Variants in UPF1 observed in about 807,000 individuals in gnomAD.
The protein encoded by UPF1 is UPF1 RNA helicase and ATPase.
Under a neutral mutation model 129.2 loss-of-function variants are expected in UPF1, and 9 were observed. The ratio of observed to expected loss-of-function variants is 0.07; its 90% CI spans 0.04 to 0.12. The LOEUF (loss-of-function observed/expected upper bound fraction) is 0.12. Among genes scored for constraint, UPF1 ranks in the 10% least tolerant of loss-of-function variants. The pLI is 1.00. For missense variants in UPF1, 788 were observed against 1,525.3 expected, an observed-to-expected ratio of 0.52 and a Z score of 8.05; for synonymous variants, 649 against 644.9, an observed-to-expected ratio of 1.01 and a Z score of -0.10.
In UPF1 at chr19:18,850,552, T is replaced by G; in HGVS notation, c.630-136T>G. On this transcript the variant is annotated intron_variant, in intron 4 of 23. Transcript: ENST00000262803. The surrounding 1 kb of genome is among the most constrained non-coding windows in gnomAD (Gnocchi z 7.1). Reference sequence around the variant, plus strand: ...GGGAGATGCGATTTATTACTAACAGTTTGAAGGTAATGTGATCACATAATA... The same window carrying G: ...GGGAGATGCGATTTATTACTAACAGGTTGAAGGTAATGTGATCACATAATA... 1 of 999,858 alleles carries G rather than the reference T, an allele frequency of 1.0e-6. No homozygotes were observed. The highest frequency in any genetic ancestry group is 1.4e-6 in the Non-Finnish European group (1 of 712,820). 61.9% of individuals were successfully genotyped at this position (999,858 alleles called of 1,614,324 possible). A position where few individuals can be genotyped will look rare whatever the true frequency, so the allele number is the denominator to read the frequency against.
rs199535358 is a variant in UPF1, at chr19:18,864,268, G to A, written c.2857+17G>A. ...GCAGCCAGGGTGAGTCGCTCAGCAG[G>A]GGACCTGGCCGACCCCTTGTCCTCA... On this transcript the variant is annotated intron_variant, in intron 20 of 23. Coordinates refer to ENST00000262803, the MANE Select transcript of UPF1 (RefSeq NM_002911.4). 4.3e-4 allele frequency: 693 copies of A among 1,604,332 alleles called. 1 individual carries two copies. Among genetic ancestry groups the A allele is most frequent in the Non-Finnish European group, 5.7e-4 (671 of 1,172,454 alleles).
Position 18,865,604 on chromosome 19 carries a change from G to C in UPF1, c.3063G>C (p.Gln1021His). ...PKGKTGRGGR[Q>H]KNRFGLPGPS... Reference sequence around the variant, plus strand: ...GCAAGACTGGTCGTGGGGGACGCCAGAAGAACCGCTTTGGGCTTCCTGGAC... The same window carrying C: ...GCAAGACTGGTCGTGGGGGACGCCACAAGAACCGCTTTGGGCTTCCTGGAC... Residue 1021 changes from glutamine (Q) to histidine (H), a missense_variant, in exon 22 of 24, where the codon CAG becomes CAC. This residue lies in a region of UPF1 where 218 missense variants were observed against 318.1 expected (regional missense o/e 0.69). Transcript: ENST00000262803. This position sits in a 1 kb window ranked among gnomAD's most constrained non-coding sequence, Gnocchi z 6.1. 6.2e-7 allele frequency: 1 copy of C among 1,613,874 alleles called. No homozygotes were observed. The highest frequency in any genetic ancestry group is 8.5e-7 in the Non-Finnish European group (1 of 1,180,026).
Position 18,832,068 on chromosome 19 carries a change from G to A in UPF1, c.-142G>A. 1 of 747,102 alleles carries A rather than the reference G, an allele frequency of 1.3e-6. No homozygotes were observed. Among genetic ancestry groups the A allele is most frequent in the Middle Eastern group, 4.4e-4 (1 of 2,264 alleles). The allele number at this position is 747,102 out of a possible 1,614,324, so 46.3% of individuals were successfully genotyped here. A position where few individuals can be genotyped will look rare whatever the true frequency, so the allele number is the denominator to read the frequency against. ...GCACTGTTACCTCTCGGTCCGGCTG[G>A]CGCCGGGGCGCGCGGTTTGGTCCTT... On this transcript the variant is annotated 5_prime_UTR_variant, in exon 1 of 24. Transcript: ENST00000262803. The surrounding 1 kb of genome is among the most constrained non-coding windows in gnomAD (Gnocchi z 5.6).
intron 2 of UPF1, among the ~76,000 whole-genome samples, 190 bp from the exon 3 acceptor site, chr19:18,847,554 C>G (rs1437522086): frequency 6.6e-6 from 1 of 152,186 alleles, no homozygotes; most frequent in Non-Finnish European, 1.5e-5. Flanking sequence ...GCCACATACC[C>G]CTTCCCTGCA....
rs1601124988 is a variant in UPF1, at chr19:18,860,312, C to G, written c.2183-9C>G. 6.2e-7 allele frequency: 1 copy of G among 1,612,472 alleles called. No individual in the cohort carries two copies. Among genetic ancestry groups the G allele is most frequent in the South Asian group, 1.1e-5 (1 of 91,026 alleles). On this transcript the variant is annotated splice_polypyrimidine_tract_variant and intron_variant, in intron 15 of 23. Transcript: ENST00000262803. ...TTTTGAAGTGTTACTTCTTTCCCTC[C>G]CCTCACAGCGGATCGTGTGAAGAAG...
intron 2 of UPF1, among the ~76,000 whole-genome samples, chr19:18,846,799 G>C (rs913979211): frequency 6.6e-6 from 1 of 152,120 alleles, no homozygotes; most frequent in Non-Finnish European, 1.5e-5. Flanking sequence ...GACCATCCTG[G>C]CTAACACGGT....
Position 18,867,411 on chromosome 19 carries a change from C to T in UPF1, c.*894C>T, listed in dbSNP as rs1309698462. 1 of 152,322 alleles carries T rather than the reference C, an allele frequency of 6.6e-6. No homozygotes were observed. The highest frequency in any genetic ancestry group is 1.5e-5 in the Non-Finnish European group (1 of 68,084). 9.4% of individuals were successfully genotyped at this position (152,322 alleles called of 1,614,324 possible). On this transcript the variant is annotated 3_prime_UTR_variant, in exon 24 of 24. Coordinates refer to ENST00000262803, the MANE Select transcript of UPF1 (RefSeq NM_002911.4). ...CCGGTGAGGAAGGTGCTTTTGGCCC[C>T]ATTGCGAGGGGCCTTGGCCAGGACT...
At chr19:18,836,712 C>A (rs2055486961) in intron 1 of UPF1, among the ~76,000 whole-genome samples, 1 of 150,616 alleles carries the variant, frequency 6.6e-6, no homozygotes. Context: ...CTCAATGAAA[C>A]TGGAAAGAAA....
At chr19:18,861,871 C>A in intron 17 of UPF1, 139 bp from the exon 18 acceptor site, 1 of 1,125,926 alleles carries the variant, frequency 8.9e-7, no homozygotes, top group African/African-American at 1.6e-5. Flanking sequence ...GCCAGGACAG[C>A]CCCTAGGTGC....
In UPF1 at chr19:18,865,726, G is replaced by C. The variant is rs745977881; in HGVS notation, c.3185G>C (p.Ser1062Thr). Residue 1062 changes from serine to threonine, a missense_variant, in exon 22 of 24, where the codon AGC becomes ACC. Ser to Thr is a moderately conservative substitution (Grantham distance 58). This residue lies in a region of UPF1 where 218 missense variants were observed against 318.1 expected (regional missense o/e 0.69). Coordinates refer to ENST00000262803, the MANE Select transcript of UPF1 (RefSeq NM_002911.4). The surrounding 1 kb of genome is among the most constrained non-coding windows in gnomAD (Gnocchi z 6.1). Reference sequence around the variant, plus strand: ...CTGACGCAGGGCTACATCTCCATGAGCCAGCCTTCCCAGATGAGCCAGCCC... The same window carrying C: ...CTGACGCAGGGCTACATCTCCATGACCCAGCCTTCCCAGATGAGCCAGCCC... Reference protein sequence around the residue: ...GALTQGYISMSQPSQMSQPGL... With the variant: ...GALTQGYISMTQPSQMSQPGL... 4 of 1,613,366 alleles carry C rather than the reference G, an allele frequency of 2.5e-6. No individual in the cohort carries two copies. The highest frequency in any genetic ancestry group is 1.7e-5 in the Admixed American group (1 of 60,016).
chr19:18,853,496 C>A lies in UPF1; in HGVS notation c.1156+146C>A. ...TGCTGGTTGGCATCGCCCTCCACTG[C>A]TCTTAGGAGAATCACAGGGCCTTCA... On this transcript the variant is annotated intron_variant, in intron 8 of 23. Coordinates refer to ENST00000262803, the MANE Select transcript of UPF1 (RefSeq NM_002911.4). The surrounding 1 kb of genome is among the most constrained non-coding windows in gnomAD (Gnocchi z 4.4). 1.4e-6 allele frequency: 1 copy of A among 720,882 alleles called. No individual in the cohort carries two copies. Among genetic ancestry groups the A allele is most frequent in the Non-Finnish European group, 2.2e-6 (1 of 457,422 alleles). 44.7% of individuals were successfully genotyped at this position (720,882 alleles called of 1,614,324 possible).
chr19:18,841,009 C>T (rs986612729), intron 1 of UPF1, among the ~76,000 whole-genome samples: 33 of 152,314 alleles, frequency 2.2e-4, no homozygotes, highest in Admixed American at 1.0e-3. Flanking sequence ...AGGCTCCTGG[C>T]GGCCCTGGGA....
At position 18,847,697 on chromosome 19, in the gene UPF1, C is replaced by G. The variant is rs370145414; in HGVS notation, c.372-47C>G. 3.8e-6 allele frequency: 6 copies of G among 1,581,510 alleles called. No individual in the cohort carries two copies. In the African/African-American group the frequency reaches 6.7e-5, roughly 18 times the overall value. On this transcript the variant is annotated intron_variant, in intron 2 of 23. Coordinates refer to ENST00000262803, the MANE Select transcript of UPF1 (RefSeq NM_002911.4). Reference sequence around the variant, plus strand: ...ATTTCACATCTTGCCAAATGAAAACCAGAGAGCAAGCTTCCAGCTGTAACT... The same window carrying G: ...ATTTCACATCTTGCCAAATGAAAACGAGAGAGCAAGCTTCCAGCTGTAACT...
Position 18,832,192 on chromosome 19 carries a change from G to GCC in UPF1, c.-16_-15dup, listed in dbSNP as rs769882945. On this transcript the variant is annotated 5_prime_UTR_variant, in exon 1 of 24. Transcript: ENST00000262803. The surrounding 1 kb of genome is among the most constrained non-coding windows in gnomAD (Gnocchi z 5.6). ...AGTGCAGCGCGGAACCGGCCCGAGG[G>GCC]CCCTACCCGGAGGCACCATGAGCGT... 9 of 1,531,656 alleles carry GCC rather than the reference G, an allele frequency of 5.9e-6. No homozygotes were observed. The highest frequency in any genetic ancestry group is 7.9e-6 in the Non-Finnish European group (9 of 1,137,830). The allele number at this position is 1,531,656 out of a possible 1,614,324, so 94.9% of individuals were successfully genotyped here.
At chr19:18,861,355 C>T (rs534146120) in intron 17 of UPF1, among the ~76,000 whole-genome samples, 5 of 152,212 alleles carry the variant, frequency 3.3e-5, no homozygotes, top group Non-Finnish European at 7.3e-5. Context: ...TATTGACACC[C>T]GGATGAAACA....
In UPF1 at chr19:18,859,607, G is replaced by A. The variant is rs147191122; in HGVS notation, c.2183-714G>A. On this transcript the variant is annotated intron_variant, in intron 15 of 23. Transcript: ENST00000262803. ...GTGGGATCATATGATGTGTCCTGGC[G>A]TGTCTGGCTTCCTCTGTCCATGTCA... The A allele has an allele frequency of 4.3e-3, 657 of 152,416 alleles. 2 individuals carry two copies. Among genetic ancestry groups the A allele is most frequent in the Non-Finnish European group, 6.9e-3 (472 of 68,090 alleles). 9.4% of individuals were successfully genotyped at this position (152,416 alleles called of 1,614,324 possible). A position where few individuals can be genotyped will look rare whatever the true frequency, so the allele number is the denominator to read the frequency against.
chr19:18,855,543 G>A lies in UPF1; in HGVS notation c.1544+301G>A, dbSNP rs2055708021. ...GTGTGGCGGGATGGTGCAAGTTCCAGCCTTGGCATTGCTTGCGGTGGGTAG... is the reference window on the plus strand; with the variant it reads ...GTGTGGCGGGATGGTGCAAGTTCCAACCTTGGCATTGCTTGCGGTGGGTAG... On this transcript the variant is annotated intron_variant, in intron 11 of 23. Coordinates refer to ENST00000262803, the MANE Select transcript of UPF1 (RefSeq NM_002911.4). 5.3e-5 allele frequency: 28 copies of A among 531,086 alleles called. 1 individual carries two copies. The South Asian group carries it at 5.8e-4, about 11-fold the overall frequency. The allele number at this position is 531,086 out of a possible 1,614,324, so 32.9% of individuals were successfully genotyped here. A position where few individuals can be genotyped will look rare whatever the true frequency, so the allele number is the denominator to read the frequency against.
intron 15 of UPF1, chr19:18,859,973 C>T (rs1031609968): frequency 5.0e-5 from 11 of 218,210 alleles, no homozygotes; most frequent in African/African-American, 1.8e-4. Context: ...GGCTGTGGCG[C>T]CTTTAAGGCA....
rs949746016 is a variant in UPF1, at chr19:18,868,096, C to G, written c.*1579C>G. The G allele has an allele frequency of 5.8e-6, 1 of 172,258 alleles. No individual in the cohort carries two copies. The highest frequency in any genetic ancestry group is 5.8e-5 in the Admixed American group (1 of 17,292). The allele number at this position is 172,258 out of a possible 1,614,324, so 10.7% of individuals were successfully genotyped here. On this transcript the variant is annotated 3_prime_UTR_variant, in exon 24 of 24. Transcript: ENST00000262803. Reference sequence around the variant, plus strand: ...TGGGCCGCTTTGCCTCTGCTTCGCCCTGTGCTGTGTTCTCCAGCTTTGTAG... The same window carrying G: ...TGGGCCGCTTTGCCTCTGCTTCGCCGTGTGCTGTGTTCTCCAGCTTTGTAG...
Sources: gnomAD v4.1 joint callset for allele counts (sites outside exome capture counted in the v4.1 genomes callset) on GRCh38, gnomAD v4.1.1 for gene constraint, gnomAD v4.1.1 regional missense constraint, Gnocchi (gnomAD v3.1) non-coding constraint, MANE v1.5 for transcripts, NCBI Gene and HGNC (gene_info 2026-07-23, HGNC 2026-07-21) for gene names.